The following DIS3L2 variants were observed in gnomAD, a reference collection of about 807,000 sequenced individuals.
DIS3L2 encodes the protein DIS3 like 3'-5' exoribonuclease 2, also known as DIS3-like exonuclease 2.
DIS3L2 carries 34 observed loss-of-function variants against 97.5 expected under a neutral mutation model. The observed-to-expected ratio is 0.35, with a 90% CI of 0.27 to 0.46. The LOEUF is 0.46. DIS3L2 is among the 20% of genes least tolerant of loss of function. The probability of loss-of-function intolerance (pLI) is 1.00; values close to 1 mark genes in which losing one functional copy is unlikely to be tolerated. For synonymous variants in DIS3L2, 435 were observed against 445.2 expected (o/e 0.98, Z 0.29); for missense variants, 1,038 against 1,146.0 (o/e 0.91, Z 1.36).
At chr2:232,267,259 T>C (rs1398944893) in intron 13 of DIS3L2, among the ~76,000 whole-genome samples, 1 of 152,222 alleles carries the variant, frequency 6.6e-6, no homozygotes, top group African/African-American at 2.4e-5. Flanking sequence ...ATCCTAGAAC[T>C]GTGGTGGGAA....
At chr2:232,214,599 C>CA (rs1387028601) in intron 10 of DIS3L2, among the ~76,000 whole-genome samples, 1 of 152,170 alleles carries the variant, frequency 6.6e-6, no homozygotes, top group African/African-American at 2.4e-5. Flanking sequence ...GTCATGGAGT[C>CA]ACTTCTGCTT....
At chr2:232,078,019 T>TTCTTTCTTTCTTTC (rs1297392014) in intron 5 of DIS3L2, among the ~76,000 whole-genome samples, 2 of 94,794 alleles carry the variant, frequency 2.1e-5, no homozygotes, top group East Asian at 5.0e-4. Context: ...CTTTCTTTCT[T>TTCTTTCTTTCTTTC]TTTCTCTTTC....
chr2:232,286,699 A>G (rs913742664), intron 13 of DIS3L2, among the ~76,000 whole-genome samples: 2 of 152,188 alleles, frequency 1.3e-5, no homozygotes, highest in African/African-American at 4.8e-5. Flanking sequence ...GAGATTACAT[A>G]CTAACAGGAA....
At chr2:232,329,785 T>TGCCGGGGGGCCCC in intron 14 of DIS3L2, 28 bp from the exon 15 acceptor site, 19 of 967,138 alleles carry the variant, frequency 2.0e-5, no homozygotes, top group East Asian at 6.2e-5. Flanking sequence ...ACCCCAGCGG[T>TGCCGGGGGGCCCC]CCCTCCCATC....
intron 8 of DIS3L2, among the ~76,000 whole-genome samples, chr2:232,158,306 CGTGTGTGT>C (rs111880090): frequency 6.6e-6 from 1 of 150,492 alleles, no homozygotes; most frequent in Non-Finnish European, 1.5e-5. Context: ...TCCTTTATAT[CGTGTGTGT>C]GTGTGTGTGT....
chr2:232,222,307 T>TCAGAGGGCGTTCCAAC lies in DIS3L2; in HGVS notation c.1204+11903_1204+11904insAGAGGGCGTTCCAACC, dbSNP rs139976173. On this transcript the variant is annotated intron_variant, in intron 10 of 20. Transcript: ENST00000325385. ...TATTTTCCTCTTGCAGTATTTTATG[T>TCAGAGGGCGTTCCAAC]CTCAGGCAGATCCCAGGCAACTCAA... Among the ~76,000 whole-genome samples, 44 of 152,122 alleles carry TCAGAGGGCGTTCCAAC rather than the reference T, an allele frequency of 2.9e-4. 1 individual carries two copies. Among genetic ancestry groups the TCAGAGGGCGTTCCAAC allele is most frequent in the African/African-American group, 9.6e-4 (40 of 41,512 alleles).
chr2:232,258,007 A>G (rs1038350783), intron 12 of DIS3L2, among the ~76,000 whole-genome samples: 1 of 152,204 alleles, frequency 6.6e-6, no homozygotes, highest in Non-Finnish European at 1.5e-5. Context: ...GGGCTGAACA[A>G]TGCACTCCTC....
chr2:232,033,347 C>T (rs560788601), intron 5 of DIS3L2, among the ~76,000 whole-genome samples: 3 of 152,286 alleles, frequency 2.0e-5, no homozygotes, highest in African/African-American at 7.2e-5. Context: ...GCTGAAGTTG[C>T]TTATCAACTT....
chr2:232,270,213 A>G (rs2106288186), intron 13 of DIS3L2, among the ~76,000 whole-genome samples: 1 of 152,178 alleles, frequency 6.6e-6, no homozygotes, highest in East Asian at 1.9e-4. Context: ...AGGAAGCTTT[A>G]TCATAAAAGT....
chr2:232,008,617 G>C (rs1435992870), intron 1 of DIS3L2, among the ~76,000 whole-genome samples: 1 of 152,116 alleles, frequency 6.6e-6, no homozygotes, highest in Non-Finnish European at 1.5e-5. Context: ...AGTACAAGTG[G>C]GTCTGGCCTG....
intron 7 of DIS3L2, among the ~76,000 whole-genome samples, chr2:232,133,918 G>A (rs1487555464): frequency 7.1e-6 from 1 of 140,872 alleles, no homozygotes; most frequent in Non-Finnish European, 1.5e-5. Context: ...AACCCAGGAG[G>A]CGGAGGTTGT....
intron 1 of DIS3L2, among the ~76,000 whole-genome samples, chr2:231,985,996 G>A (rs1693401987): frequency 6.6e-6 from 1 of 152,212 alleles, no homozygotes; most frequent in African/African-American, 2.4e-5. Flanking sequence ...CTGGCTTGCT[G>A]AGTCGTCTGG....
intron 13 of DIS3L2, among the ~76,000 whole-genome samples, chr2:232,280,083 A>G (rs539898796): frequency 3.9e-5 from 6 of 152,356 alleles, no homozygotes; most frequent in Non-Finnish European, 2.9e-5. Context: ...AAAGATTTTC[A>G]TCTGTTTTCT....
intron 6 of DIS3L2, among the ~76,000 whole-genome samples, chr2:232,092,735 A>G (rs1454780986): frequency 6.6e-6 from 1 of 152,098 alleles, no homozygotes; most frequent in Non-Finnish European, 1.5e-5. Context: ...TGATTTTTGT[A>G]TGTTGATTTT....
chr2:232,163,727 T>G, intron 9 of DIS3L2, 95 bp downstream of exon 9: 1 of 1,401,938 alleles, frequency 7.1e-7, no homozygotes, highest in Non-Finnish European at 9.5e-7. Flanking sequence ...TCCACGAACA[T>G]TCAAGTTCAG....
chr2:232,211,965 T>C (rs1293536196), intron 10 of DIS3L2, among the ~76,000 whole-genome samples: 1 of 152,150 alleles, frequency 6.6e-6, no homozygotes, highest in Non-Finnish European at 1.5e-5. Flanking sequence ...TCTTCCTGCC[T>C]GGGCCTCCCA....
At chr2:232,137,713 A>C (rs1396520813) in intron 8 of DIS3L2, among the ~76,000 whole-genome samples, 1 of 152,208 alleles carries the variant, frequency 6.6e-6, no homozygotes. Context: ...TTTCATATAT[A>C]AGAAACACTA....
At chr2:232,077,212 G>C (rs528577198) in intron 5 of DIS3L2, among the ~76,000 whole-genome samples, 2 of 151,864 alleles carry the variant, frequency 1.3e-5, no homozygotes, top group African/African-American at 4.8e-5. Flanking sequence ...TCTGTCTTCC[G>C]GAGCATAGGG....
chr2:232,007,116 T>TA (rs2106210997), intron 1 of DIS3L2, among the ~76,000 whole-genome samples: 1 of 152,290 alleles, frequency 6.6e-6, no homozygotes, highest in East Asian at 1.9e-4. Context: ...GCCAGGTTCT[T>TA]ACATTGGTTG....
Sources: allele counts gnomAD v4.1 joint callset (sites outside exome capture counted in the v4.1 genomes callset), GRCh38; gene constraint gnomAD v4.1.1; transcripts MANE v1.5; gene names NCBI Gene and HGNC (gene_info 2026-07-23, HGNC 2026-07-21).